PPP2R2B: variants seen among roughly 807,000 people sequenced by gnomAD.
The protein encoded by PPP2R2B is serine/threonine-protein phosphatase 2A 55 kDa regulatory subunit B beta isoform.
A neutral mutation model predicts 46.0 loss-of-function variants in PPP2R2B; 5 were observed. That is an observed-to-expected ratio of 0.11 (90% CI 0.06 to 0.23). The LOEUF is 0.23. Ranked by LOEUF, PPP2R2B falls within the 10% of genes least tolerant of loss-of-function variation. The pLI, the probability that PPP2R2B is intolerant of heterozygous loss-of-function variation, is 1.00. For synonymous variants in PPP2R2B, 215 were observed against 206.7 expected (o/e 1.04, Z -0.34); for missense variants, 367 against 575.0 (o/e 0.64, Z 3.70).
intron 7 of PPP2R2B, among the ~76,000 whole-genome samples, chr5:146,631,699 C>T (rs938999677): frequency 6.6e-6 from 1 of 152,232 alleles, no homozygotes; most frequent in African/African-American, 2.4e-5. Flanking sequence ...AGTGTTCTAG[C>T]TCCACAGGAA....
chr5:146,842,499 T>A (rs894626652), intron 2 of PPP2R2B, among the ~76,000 whole-genome samples: 6 of 149,128 alleles, frequency 4.0e-5, no homozygotes, highest in African/African-American at 1.2e-4. Flanking sequence ...TTTTTTTTTT[T>A]AAAGTTCAGG....
At chr5:146,662,340 C>A (rs769528888) in intron 5 of PPP2R2B, among the ~76,000 whole-genome samples, 6 of 152,200 alleles carry the variant, frequency 3.9e-5, no homozygotes, top group Admixed American at 6.5e-5. Context: ...CTCCCACCAA[C>A]AGATGGCAGT....
At chr5:146,628,369 A>G (rs903783649) in intron 7 of PPP2R2B, among the ~76,000 whole-genome samples, 3 of 152,164 alleles carry the variant, frequency 2.0e-5, no homozygotes, top group African/African-American at 7.2e-5. Flanking sequence ...TCTGTGGCCA[A>G]TCCTTGGGCT....
At chr5:147,038,360 C>T (rs575798105) in intron 1 of PPP2R2B, among the ~76,000 whole-genome samples, 1 of 151,942 alleles carries the variant, frequency 6.6e-6, no homozygotes, top group Non-Finnish European at 1.5e-5. Context: ...TATATAGTGT[C>T]CCCTGGGGAT....
chr5:146,710,793 T>G (rs1217403404), intron 2 of PPP2R2B, among the ~76,000 whole-genome samples: 1 of 152,230 alleles, frequency 6.6e-6, no homozygotes, highest in Non-Finnish European at 1.5e-5. Flanking sequence ...GAGAAAGTTC[T>G]CACATCTGTG....
At chr5:146,777,297 G>A (rs1755245167) in intron 2 of PPP2R2B, among the ~76,000 whole-genome samples, 1 of 152,034 alleles carries the variant, frequency 6.6e-6, no homozygotes, top group Non-Finnish European at 1.5e-5. Flanking sequence ...GCCATAAAAA[G>A]GAATGAAGTT....
intron 1 of PPP2R2B, among the ~76,000 whole-genome samples, chr5:146,884,516 A>T (rs1762264091): frequency 6.6e-6 from 1 of 152,220 alleles, no homozygotes; most frequent in Non-Finnish European, 1.5e-5. Flanking sequence ...TTGTGACCTT[A>T]GTCTTGCCCT....
intron 2 of PPP2R2B, among the ~76,000 whole-genome samples, chr5:146,709,635 T>A (rs1415594651): frequency 6.6e-6 from 1 of 152,204 alleles, no homozygotes; most frequent in Non-Finnish European, 1.5e-5. Flanking sequence ...CCTGCCTTTG[T>A]TTGTAATTAA....
intron 1 of PPP2R2B, among the ~76,000 whole-genome samples, chr5:147,003,481 A>C (rs1754286062): frequency 6.6e-6 from 1 of 152,178 alleles, no homozygotes; most frequent in African/African-American, 2.4e-5. Flanking sequence ...GGTCTAGGGC[A>C]AACCTTTGAT....
At chr5:147,065,105 T>C (rs1757380679) in intron 2 of PPP2R2B, among the ~76,000 whole-genome samples, 1 of 152,218 alleles carries the variant, frequency 6.6e-6, no homozygotes, top group Non-Finnish European at 1.5e-5. Flanking sequence ...ATGTTAGATA[T>C]AATCCTGTCT....
chr5:147,027,928 T>C (rs1296454833), intron 1 of PPP2R2B, among the ~76,000 whole-genome samples: 4 of 152,168 alleles, frequency 2.6e-5, no homozygotes, highest in South Asian at 4.1e-4. Flanking sequence ...AAGTCCGTGG[T>C]TGGGGCTTCC....
chr5:146,592,087 T>C (rs1300908327), intron 9 of PPP2R2B: 1 of 437,794 alleles, frequency 2.3e-6, no homozygotes, highest in Non-Finnish European at 4.6e-6. Context: ...TGGCTTCTTT[T>C]TCCCATGGTG....
chr5:146,936,279 A>C (rs922093435), intron 1 of PPP2R2B, among the ~76,000 whole-genome samples: 2 of 152,120 alleles, frequency 1.3e-5, no homozygotes, highest in African/African-American at 2.4e-5. Context: ...CATTTGATAC[A>C]ATCATTGTGC....
At chr5:146,818,983 C>T (rs919456108) in intron 2 of PPP2R2B, among the ~76,000 whole-genome samples, 1 of 152,176 alleles carries the variant, frequency 6.6e-6, no homozygotes, top group African/African-American at 2.4e-5. Context: ...CCCCTACCCT[C>T]AAGAACCAAC....
intron 7 of PPP2R2B, among the ~76,000 whole-genome samples, chr5:146,616,223 C>T (rs903854456): frequency 6.6e-6 from 1 of 152,164 alleles, no homozygotes; most frequent in Admixed American, 6.5e-5. Flanking sequence ...TCAACATATA[C>T]AAAAGTCAAA....
intron 5 of PPP2R2B, among the ~76,000 whole-genome samples, chr5:146,673,886 C>A (rs1777535205): frequency 1.3e-5 from 2 of 152,186 alleles, no homozygotes; most frequent in African/African-American, 4.8e-5. Flanking sequence ...ATCTTATCTG[C>A]ACTTGCAGTT....
chr5:146,773,543 T>C (rs1324516584), intron 2 of PPP2R2B, among the ~76,000 whole-genome samples: 1 of 152,200 alleles, frequency 6.6e-6, no homozygotes, highest in Non-Finnish European at 1.5e-5. Flanking sequence ...CACAAAATAA[T>C]GAATTATGGC....
chr5:146,609,582 C>T (rs1350508694), intron 7 of PPP2R2B, among the ~76,000 whole-genome samples: 2 of 150,808 alleles, frequency 1.3e-5, no homozygotes, highest in African/African-American at 4.9e-5. Flanking sequence ...TCTGAGGTAC[C>T]GGGTTCATCT....
chr5:146,825,099 C>T lies in PPP2R2B; in HGVS notation c.70+52903G>A, dbSNP rs149296437. 4.0e-4 allele frequency among the ~76,000 whole-genome samples: 61 copies of T among 152,268 alleles called. 1 individual carries two copies. In the East Asian group the frequency reaches 0.012, roughly 29 times the overall value. On this transcript the variant is annotated intron_variant, in intron 2 of 9. Transcript: ENST00000394411. ...CCTGAAAAAGCATTTAATGCAACTC[C>T]GCTGATATTTTAAATTTACGTTCCT...
Sources: allele counts gnomAD v4.1 joint callset (sites outside exome capture counted in the v4.1 genomes callset), GRCh38; gene constraint gnomAD v4.1.1; transcripts MANE v1.5; gene names NCBI Gene and HGNC (gene_info 2026-07-23, HGNC 2026-07-21).